ADGRB3: variants seen among roughly 807,000 people sequenced by gnomAD.
The protein encoded by ADGRB3 is brain-specific angiogenesis inhibitor 3.
In ADGRB3, 37 loss-of-function variants were observed where a neutral mutation model predicts 193.4. The observed-to-expected ratio is 0.19, with a 90% CI of 0.15 to 0.25. ADGRB3 has a LOEUF of 0.25. ADGRB3 is among the 10% of genes least tolerant of loss of function. The probability of loss-of-function intolerance (pLI) is 1.00; values close to 1 mark genes in which losing one functional copy is unlikely to be tolerated. For synonymous variants in ADGRB3, 690 were observed against 644.2 expected, an observed-to-expected ratio of 1.07 and a Z score of -1.08; for missense variants, 1,637 against 1,852.9, an observed-to-expected ratio of 0.88 and a Z score of 2.14.
intron 13 of ADGRB3, among the ~76,000 whole-genome samples, chr6:69,047,770 T>G (rs1045601895): frequency 2.0e-5 from 3 of 152,138 alleles, no homozygotes; most frequent in Non-Finnish European, 4.4e-5. Flanking sequence ...ATGCAGAAAA[T>G]TTCTTCTTAA....
chr6:68,988,393 C>A (rs934086552), intron 10 of ADGRB3, among the ~76,000 whole-genome samples: 2 of 152,036 alleles, frequency 1.3e-5, no homozygotes, highest in Admixed American at 6.6e-5. Flanking sequence ...TAGCATGAGT[C>A]AGGGAGCAAA....
intron 3 of ADGRB3, among the ~76,000 whole-genome samples, chr6:68,789,810 CT>C (rs1179566596): frequency 6.6e-6 from 1 of 152,188 alleles, no homozygotes; most frequent in Non-Finnish European, 1.5e-5. Context: ...TAGATTTGGT[CT>C]TTTCACATAG....
intron 17 of ADGRB3, among the ~76,000 whole-genome samples, chr6:69,080,014 T>C (rs1254675050): frequency 6.6e-6 from 1 of 152,100 alleles, no homozygotes; most frequent in Non-Finnish European, 1.5e-5. Flanking sequence ...AGACTGACAC[T>C]GGCTTGTTTT....
rs548075078 is a variant in ADGRB3, at chr6:69,168,490, AT to A, written c.2481-64799del. 2.3e-4 allele frequency among the ~76,000 whole-genome samples: 35 copies of A among 152,194 alleles called. No homozygotes were observed. The South Asian group carries it at 6.9e-3, about 30-fold the overall frequency. Reference sequence around the variant, plus strand: ...AACTAAAGGTTGCTTTAAAGGAAAAATATTCTCCAATAAACTAATGTTTTCG... The same window carrying A: ...AACTAAAGGTTGCTTTAAAGGAAAAAATTCTCCAATAAACTAATGTTTTCG... On this transcript the variant is annotated intron_variant, in intron 17 of 31. Coordinates refer to ENST00000370598, the MANE Select transcript of ADGRB3 (RefSeq NM_001704.3).
intron 3 of ADGRB3, among the ~76,000 whole-genome samples, chr6:68,716,373 T>C (rs1765489792): frequency 6.6e-6 from 1 of 151,790 alleles, no homozygotes; most frequent in Admixed American, 6.6e-5. Context: ...TTCTTGCAAC[T>C]TCTTAGCATG....
intron 17 of ADGRB3, among the ~76,000 whole-genome samples, chr6:69,189,699 C>A (rs1765145315): frequency 6.6e-6 from 1 of 152,128 alleles, no homozygotes; most frequent in Non-Finnish European, 1.5e-5. Flanking sequence ...CAGCAGTTGA[C>A]CTTAGATTGC....
chr6:69,119,613 T>C lies in ADGRB3; in HGVS notation c.2480+43575T>C, dbSNP rs146698488. Among the ~76,000 whole-genome samples, 37 of 152,108 alleles carry C rather than the reference T, an allele frequency of 2.4e-4. No individual in the cohort carries two copies. In the East Asian group the frequency reaches 6.6e-3, roughly 27 times the overall value. On this transcript the variant is annotated intron_variant, in intron 17 of 31. Coordinates refer to ENST00000370598, the MANE Select transcript of ADGRB3 (RefSeq NM_001704.3). ...TGTTTTTGTGTGTGTGTGTAATCAC[T>C]TGAGGAAGAGCATTCCAGGAAGAAG... is the stretch of plus-strand genomic sequence containing the variant.
intron 17 of ADGRB3, among the ~76,000 whole-genome samples, chr6:69,085,915 G>T (rs1324254093): frequency 6.6e-6 from 1 of 151,540 alleles, no homozygotes; most frequent in East Asian, 1.9e-4. Flanking sequence ...AAATATACAG[G>T]TTATTAATCC....
At chr6:68,710,230 A>C (rs1374059615) in intron 3 of ADGRB3, among the ~76,000 whole-genome samples, 1 of 152,182 alleles carries the variant, frequency 6.6e-6, no homozygotes, top group East Asian at 1.9e-4. Flanking sequence ...TAACAAAAGA[A>C]TCATTCCCTG....
chr6:69,027,732 T>C (rs558440976), intron 13 of ADGRB3, among the ~76,000 whole-genome samples: 77 of 152,252 alleles, frequency 5.1e-4, no homozygotes, highest in Admixed American at 5.9e-4. Context: ...TTGGGTCAAG[T>C]GACAGTGGAA....
chr6:69,121,176 T>C (rs1773674493), intron 17 of ADGRB3, among the ~76,000 whole-genome samples: 1 of 152,200 alleles, frequency 6.6e-6, no homozygotes, highest in Admixed American at 6.5e-5. Context: ...TTTGTGTCCC[T>C]GGGTACTTGA....
At chr6:69,372,769 A>C (rs554533851) in intron 30 of ADGRB3, among the ~76,000 whole-genome samples, 1 of 152,108 alleles carries the variant, frequency 6.6e-6, no homozygotes, top group African/African-American at 2.4e-5. Context: ...CCTGATTTTT[A>C]TATTTAAAGC....
intron 16 of ADGRB3, among the ~76,000 whole-genome samples, chr6:69,069,225 A>G (rs971853836): frequency 1.1e-4 from 16 of 152,010 alleles, no homozygotes; most frequent in Non-Finnish European, 7.4e-5. Flanking sequence ...CTTCCTGTTG[A>G]GTTTTATATT....
At chr6:68,908,928 G>C (rs558174964) in intron 3 of ADGRB3, among the ~76,000 whole-genome samples, 2 of 152,120 alleles carry the variant, frequency 1.3e-5, no homozygotes, top group Non-Finnish European at 2.9e-5. Flanking sequence ...AATCAGAAAA[G>C]TTTCAGTCTC....
intron 20 of ADGRB3, among the ~76,000 whole-genome samples, chr6:69,310,845 T>A (rs1216002923): frequency 2.0e-5 from 3 of 151,684 alleles, no homozygotes. Flanking sequence ...ACTGAGCTAT[T>A]TTTTTCCAAT....
chr6:68,844,668 A>T (rs1224389502), intron 3 of ADGRB3, among the ~76,000 whole-genome samples: 1 of 152,178 alleles, frequency 6.6e-6, no homozygotes. Flanking sequence ...TTGCACTCTT[A>T]TGTTTATTGC....
intron 17 of ADGRB3, among the ~76,000 whole-genome samples, chr6:69,097,333 GA>G (rs1772910746): frequency 6.6e-6 from 1 of 152,142 alleles, no homozygotes; most frequent in Admixed American, 6.5e-5. Flanking sequence ...TTCACTTAAA[GA>G]AAGTATTTTT....
intron 3 of ADGRB3, among the ~76,000 whole-genome samples, chr6:68,671,472 C>T (rs556309241): frequency 1.6e-4 from 24 of 151,820 alleles, no homozygotes; most frequent in Non-Finnish European, 2.5e-4. Context: ...GAAGGGATTT[C>T]GAACTTTATC....
intron 17 of ADGRB3, among the ~76,000 whole-genome samples, chr6:69,192,286 A>G (rs570337774): frequency 6.6e-6 from 1 of 152,248 alleles, no homozygotes; most frequent in East Asian, 1.9e-4. Flanking sequence ...TTGGAGTCCG[A>G]TGTTAGAGGG....
Sources: allele counts gnomAD v4.1 joint callset (sites outside exome capture counted in the v4.1 genomes callset), GRCh38; gene constraint gnomAD v4.1.1; transcripts MANE v1.5; gene names NCBI Gene and HGNC (gene_info 2026-07-23, HGNC 2026-07-21).